The following ETNK1 variants were observed in gnomAD, a reference collection of about 807,000 sequenced individuals.
The protein encoded by ETNK1 is putative protein product of Nbla10396.
ETNK1 carries 8 observed loss-of-function variants against 45.1 expected under a neutral mutation model. That is an observed-to-expected ratio of 0.18 (90% CI 0.10 to 0.32). The LOEUF (loss-of-function observed/expected upper bound fraction) is 0.32, where lower values mean the gene tolerates loss of function less well. Ranked by LOEUF, ETNK1 falls within the 10% of genes least tolerant of loss-of-function variation. The pLI is 1.00. For synonymous variants in ETNK1, 152 were observed against 151.9 expected (o/e 1.00, Z -0.01); for missense variants, 302 against 430.6 (o/e 0.70, Z 2.64).
At position 22,625,214 on chromosome 12, in the gene ETNK1, A is replaced by T; in HGVS notation, c.-217A>T. The stretch of plus-strand genomic sequence containing the variant: ...GCTCCGACAACAGGAATTTTCTCCG[A>T]GAGCGGGCCGGGCTCAGTTCAGCTG... On this transcript the variant is annotated 5_prime_UTR_variant, in exon 1 of 8. Coordinates refer to ENST00000266517, the MANE Select transcript of ETNK1 (RefSeq NM_018638.5). 1 of 1,610,278 alleles carries T rather than the reference A, an allele frequency of 6.2e-7. No homozygotes were observed. The highest frequency in any genetic ancestry group is 1.3e-5 in the African/African-American group (1 of 74,988).
intron 2 of ETNK1, among the ~76,000 whole-genome samples, chr12:22,647,205 A>T (rs1338250349): frequency 6.6e-6 from 1 of 151,906 alleles, no homozygotes; most frequent in African/African-American, 2.4e-5. Flanking sequence ...TTCTTATCAG[A>T]TATTTCTTAG....
chr12:22,657,936 G>T (rs1953960855), intron 2 of ETNK1, among the ~76,000 whole-genome samples: 1 of 152,140 alleles, frequency 6.6e-6, no homozygotes, highest in South Asian at 2.1e-4. Context: ...GTTATTTAAT[G>T]ATTGATACAA....
chr12:22,633,669 TTAAAA>T (rs1953613339), intron 1 of ETNK1, among the ~76,000 whole-genome samples: 1 of 152,186 alleles, frequency 6.6e-6, no homozygotes, highest in Non-Finnish European at 1.5e-5. Flanking sequence ...ATATTGAATC[TTAAAA>T]TAAATTTTTA....
At chr12:22,673,907 TA>T (rs1954136179) in intron 6 of ETNK1, among the ~76,000 whole-genome samples, 3 of 152,224 alleles carry the variant, frequency 2.0e-5, no homozygotes, top group Non-Finnish European at 2.9e-5. Context: ...AGGTACTCAG[TA>T]ATTATTTGTT....
intron 6 of ETNK1, among the ~76,000 whole-genome samples, chr12:22,678,251 C>T (rs10770914): frequency 0.53 from 80,230 of 152,040 alleles, 22,073 homozygotes; most frequent in Middle Eastern, 0.71. Context: ...ACTCCTTTAT[C>T]CTTCATGCGT....
In ETNK1 at chr12:22,687,427, C is replaced by A. The variant is rs917568358; in HGVS notation, c.*2473C>A. 5 of 152,276 alleles carry A rather than the reference C, an allele frequency of 3.3e-5. No individual in the cohort carries two copies. Among genetic ancestry groups the A allele is most frequent in the Admixed American group, 3.3e-4 (5 of 15,230 alleles). 9.4% of individuals were successfully genotyped at this position (152,276 alleles called of 1,614,324 possible). A position where few individuals can be genotyped will look rare whatever the true frequency, so the allele number is the denominator to read the frequency against. ...ACCTAATAACTCAACTAGTAGTAAGCTCATTTTGTAAATATGAAAATGGCT... is the reference window on the plus strand; with the variant it reads ...ACCTAATAACTCAACTAGTAGTAAGATCATTTTGTAAATATGAAAATGGCT... On this transcript the variant is annotated 3_prime_UTR_variant, in exon 8 of 8. Coordinates refer to ENST00000266517, the MANE Select transcript of ETNK1 (RefSeq NM_018638.5).
In ETNK1 at chr12:22,644,008, C is replaced by G; in HGVS notation, c.402C>G (p.Asn134Lys). ...GEALDPKHVC[N>K]PAIFRLIARQ... ...CACTGGATCCAAAGCATGTCTGCAA[C>G]CCAGCCATTTTCAGGTACATTTTCT... Residue 134 changes from asparagine (N) to lysine (K), a missense_variant, in exon 2 of 8, where the codon AAC becomes AAG. Transcript: ENST00000266517. 6.3e-7 allele frequency: 1 copy of G among 1,591,300 alleles called. No homozygotes were observed. Among genetic ancestry groups the G allele is most frequent in the Non-Finnish European group, 8.6e-7 (1 of 1,165,512 alleles).
intron 2 of ETNK1, among the ~76,000 whole-genome samples, chr12:22,646,466 A>C (rs946888222): frequency 1.3e-5 from 2 of 151,810 alleles, no homozygotes; most frequent in African/African-American, 4.8e-5. Flanking sequence ...TGAATTTTAT[A>C]TTCTGTGGTT....
intron 4 of ETNK1, among the ~76,000 whole-genome samples, chr12:22,666,707 C>G (rs1954056656): frequency 6.6e-6 from 1 of 152,128 alleles, no homozygotes; most frequent in South Asian, 2.1e-4. Flanking sequence ...TGATTTACAG[C>G]TGTTTAAGGA....
intron 6 of ETNK1, among the ~76,000 whole-genome samples, chr12:22,679,487 A>T (rs1339140517): frequency 1.3e-5 from 2 of 152,086 alleles, no homozygotes; most frequent in Non-Finnish European, 2.9e-5. Flanking sequence ...ACAGACTCAA[A>T]TGTCAGTCTC....
chr12:22,675,552 C>A (rs1954152279), intron 6 of ETNK1, among the ~76,000 whole-genome samples: 1 of 152,008 alleles, frequency 6.6e-6, no homozygotes, highest in Admixed American at 6.6e-5. Context: ...GAGACAAGGT[C>A]TTGCTATGTT....
At chr12:22,653,813 G>T (rs1373093316) in intron 2 of ETNK1, among the ~76,000 whole-genome samples, 2 of 152,076 alleles carry the variant, frequency 1.3e-5, no homozygotes, top group Non-Finnish European at 2.9e-5. Context: ...TTTTAGATGA[G>T]TATGGAACTT....
rs560027295 is a variant in ETNK1 at position 22,625,230 on chromosome 12, A to T, written c.-201A>T. The T allele has an allele frequency of 1.7e-5, 27 of 1,611,724 alleles. No individual in the cohort carries two copies. The South Asian group carries it at 2.7e-4, about 16-fold the overall frequency. Reference sequence around the variant, plus strand: ...TTTTCTCCGAGAGCGGGCCGGGCTCAGTTCAGCTGCTGTCCAGACCCGGAT... The same window carrying T: ...TTTTCTCCGAGAGCGGGCCGGGCTCTGTTCAGCTGCTGTCCAGACCCGGAT... On this transcript the variant is annotated 5_prime_UTR_variant, in exon 1 of 8. Transcript: ENST00000266517.
At chr12:22,644,418 C>A (rs1953780751) in intron 2 of ETNK1, 7 of 1,185,720 alleles carry the variant, frequency 5.9e-6, no homozygotes, top group Non-Finnish European at 4.3e-6. Context: ...GTTAACAATT[C>A]TTTGTTCTTT....
chr12:22,678,174 A>G (rs1954178718), intron 6 of ETNK1, among the ~76,000 whole-genome samples: 1 of 152,194 alleles, frequency 6.6e-6, no homozygotes, highest in Non-Finnish European at 1.5e-5. Context: ...TGCCTCTCGC[A>G]TCTCAAGCAT....
chr12:22,684,359 A>G, intron 6 of ETNK1, 124 bp from the exon 7 acceptor site: 2 of 666,538 alleles, frequency 3.0e-6, no homozygotes, highest in Non-Finnish European at 5.1e-6. Context: ...GACGCTTTAT[A>G]TAAAAAGAAC....
intron 4 of ETNK1, among the ~76,000 whole-genome samples, chr12:22,665,357 T>C (rs948579184): frequency 6.6e-6 from 1 of 152,184 alleles, no homozygotes; most frequent in Non-Finnish European, 1.5e-5. Context: ...TCTGAGGCAG[T>C]TTTTGTACTA....
intron 4 of ETNK1, 92 bp downstream of exon 4, chr12:22,661,297 G>A: frequency 8.8e-7 from 1 of 1,134,764 alleles, no homozygotes; most frequent in Non-Finnish European, 1.2e-6. Flanking sequence ...AAATTCAAAT[G>A]CAAGGAGTAA....
chr12:22,645,355 A>G (rs973033133), intron 2 of ETNK1, among the ~76,000 whole-genome samples: 21 of 151,848 alleles, frequency 1.4e-4, no homozygotes, highest in African/African-American at 5.1e-4. Flanking sequence ...TGATTGATCT[A>G]TTTCAGTAAC....
Sources: gnomAD v4.1 joint callset for allele counts (sites outside exome capture counted in the v4.1 genomes callset) on GRCh38, gnomAD v4.1.1 for gene constraint, MANE v1.5 for transcripts, NCBI Gene and HGNC (gene_info 2026-07-23, HGNC 2026-07-21) for gene names.